CUTC: variants seen among roughly 807,000 people sequenced by gnomAD.
CUTC encodes copper homeostasis protein cutC homolog.
CUTC carries 27 observed loss-of-function variants against 36.2 expected under a neutral mutation model. The observed-to-expected ratio is 0.75, with a 90% CI of 0.55 to 1.03. CUTC has a LOEUF of 1.03. CUTC is among the 50% of genes least tolerant of loss of function. The probability of loss-of-function intolerance (pLI) is 0.00; values close to 1 mark genes in which losing one functional copy is unlikely to be tolerated. For synonymous variants in CUTC, 114 were observed against 118.3 expected (o/e 0.96, Z 0.24); for missense variants, 315 against 343.5 (o/e 0.92, Z 0.66).
chr10:99,748,272 G>A (rs936438109), intron 6 of CUTC, among the ~76,000 whole-genome samples: 5 of 152,200 alleles, frequency 3.3e-5, no homozygotes, highest in African/African-American at 1.2e-4. Flanking sequence ...TAGAGGCTTA[G>A]CACAGTGGTT....
At position 99,740,095 on chromosome 10, in the gene CUTC, T is replaced by A. The variant is rs2037330775; in HGVS notation, c.193+326T>A. 1.3e-5 allele frequency among the ~76,000 whole-genome samples: 2 copies of A among 152,206 alleles called. 1 individual carries two copies. Among genetic ancestry groups the A allele is most frequent in the Admixed American group, 1.3e-4 (2 of 15,284 alleles). ...CCTCCTGGTCTTTGTGCTATTGTTGTCATATATTTTACTCATACATATATC... is the reference window on the plus strand; with the variant it reads ...CCTCCTGGTCTTTGTGCTATTGTTGACATATATTTTACTCATACATATATC... On this transcript the variant is annotated intron_variant, in intron 3 of 8. Transcript: ENST00000370476.
chr10:99,750,378 A>C lies in CUTC; in HGVS notation c.583A>C (p.Arg195=). Residue 195 remains arginine (R), a synonymous_variant, in exon 7 of 9, where the codon AGG becomes CGG. Transcript: ENST00000370476. ...IKRLIEQAKG[R]IVVMPGGGIT... ...TTTTTTCTTTTTTCAGGCAAAAGGCAGGATTGTGGTAATGCCAGGTATTTA... is the reference window on the plus strand; with the variant it reads ...TTTTTTCTTTTTTCAGGCAAAAGGCCGGATTGTGGTAATGCCAGGTATTTA... 1 of 1,590,502 alleles carries C rather than the reference A, an allele frequency of 6.3e-7. No individual in the cohort carries two copies. The highest frequency in any genetic ancestry group is 8.5e-7 in the Non-Finnish European group (1 of 1,172,588).
chr10:99,739,835 AGTTTCGTT>A, intron 3 of CUTC, 66 bp downstream of exon 3: 1 of 1,344,360 alleles, frequency 7.4e-7, no homozygotes, highest in Non-Finnish European at 1.0e-6. Context: ...ACTGATAATC[AGTTTCGTT>A]GGGGTCCTTT....
chr10:99,752,250 C>T (rs929846514), intron 7 of CUTC, among the ~76,000 whole-genome samples: 6 of 151,954 alleles, frequency 3.9e-5, no homozygotes, highest in African/African-American at 1.5e-4. Context: ...GGCATGGTGG[C>T]GTGCTCCTGA....
At chr10:99,735,101 C>CAAAAAAAAAAAAAAAAAAAAAAAAA (rs56971127) in intron 1 of CUTC, among the ~76,000 whole-genome samples, 1 of 68,770 alleles carries the variant, frequency 1.5e-5, no homozygotes, top group Non-Finnish European at 2.5e-5. Flanking sequence ...GACTCTGTAT[C>CAAAAAAAAAAAAAAAAAAAAAAAAA]AAAAAAAAAA....
chr10:99,740,197 G>T (rs1259041216), intron 3 of CUTC, among the ~76,000 whole-genome samples: 3 of 151,960 alleles, frequency 2.0e-5, no homozygotes, highest in African/African-American at 7.2e-5. Flanking sequence ...TAAATAATAA[G>T]AAAAAAATCA....
intron 7 of CUTC, among the ~76,000 whole-genome samples, chr10:99,754,265 G>A (rs1254369139): frequency 6.6e-6 from 1 of 152,074 alleles, no homozygotes; most frequent in East Asian, 1.9e-4. Flanking sequence ...GACAAGCAGG[G>A]ATAGCATTGT....
Position 99,736,335 on chromosome 10 carries a change from G to A in CUTC, c.133+18G>A. 6.3e-7 allele frequency: 1 copy of A among 1,581,032 alleles called. No homozygotes were observed. Among genetic ancestry groups the A allele is most frequent in the Non-Finnish European group, 8.7e-7 (1 of 1,149,990 alleles). ...AAGAGGAGGTAAGAGAAATCAGATA[G>A]TGAATGACCGTTGGCTACCCTTTTA... On this transcript the variant is annotated intron_variant, in intron 2 of 8. Transcript: ENST00000370476.
Position 99,739,743 on chromosome 10 carries a change from C to T in CUTC, c.167C>T (p.Ser56Leu). 2 of 1,611,288 alleles carry T rather than the reference C, an allele frequency of 1.2e-6. No individual in the cohort carries two copies. Among genetic ancestry groups the T allele is most frequent in the South Asian group, 1.1e-5 (1 of 90,440 alleles). The part of the protein sequence containing the change: ...ADRIELCSGL[S>L]EGGTTPSMGV... Reference sequence around the variant, plus strand: ...CGGATTGAATTATGTTCTGGTTTATCAGAGGGGGGAACTACACCCAGCATG... The same window carrying T: ...CGGATTGAATTATGTTCTGGTTTATTAGAGGGGGGAACTACACCCAGCATG... The change falls in exon 3 of 9, where the codon TCA becomes TTA. Residue 56 changes from serine (S) to leucine (L), a missense_variant. By Grantham distance (145) the Ser-to-Leu change is moderately radical. Transcript: ENST00000370476.
At chr10:99,735,414 A>G (rs768044576) in intron 1 of CUTC, among the ~76,000 whole-genome samples, 15 of 152,164 alleles carry the variant, frequency 9.9e-5, no homozygotes, top group South Asian at 4.2e-4. Context: ...ATCTGGAAGC[A>G]TAAGAAGGAA....
chr10:99,741,830 C>A (rs547696554), intron 3 of CUTC, among the ~76,000 whole-genome samples: 27 of 152,144 alleles, frequency 1.8e-4, no homozygotes, highest in Non-Finnish European at 3.7e-4. Context: ...TCTCAGCCTC[C>A]CAAAGCACTG....
chr10:99,749,615 T>TCAA lies in CUTC; in HGVS notation c.574-754_574-753insCAA, dbSNP rs1278197142. On this transcript the variant is annotated intron_variant, in intron 6 of 8. Transcript: ENST00000370476. Reference sequence around the variant, plus strand: ...TGACTTTTTTCCATTCTGAAGTGATTTCAGCTTTTTAGATAGTCAATGTTT... The same window carrying TCAA: ...TGACTTTTTTCCATTCTGAAGTGATTCAATCAGCTTTTTAGATAGTCAATGTTT... Among the ~76,000 whole-genome samples the TCAA allele has an allele frequency of 5.3e-5, 8 of 152,134 alleles. No homozygotes were observed. The East Asian group carries it at 1.3e-3, about 26-fold the overall frequency.
chr10:99,738,628 A>T (rs2037317000), intron 2 of CUTC, among the ~76,000 whole-genome samples: 1 of 152,168 alleles, frequency 6.6e-6, no homozygotes, highest in Non-Finnish European at 1.5e-5. Flanking sequence ...ATATCGTTTA[A>T]CATAGTCCTC....
intron 3 of CUTC, among the ~76,000 whole-genome samples, chr10:99,740,308 T>C (rs2037332664): frequency 6.6e-6 from 1 of 152,122 alleles, no homozygotes; most frequent in African/African-American, 2.4e-5. Context: ...CTGAAGTACT[T>C]TCTTTAACTT....
At chr10:99,754,821 G>A (rs1438557283) in intron 8 of CUTC, among the ~76,000 whole-genome samples, 187 bp downstream of exon 8, 1 of 152,156 alleles carries the variant, frequency 6.6e-6, no homozygotes, top group Non-Finnish European at 1.5e-5. Flanking sequence ...TAAATAAACA[G>A]GCTCTTTGAA....
chr10:99,752,335 G>A (rs559096032), intron 7 of CUTC, among the ~76,000 whole-genome samples: 2 of 150,842 alleles, frequency 1.3e-5, no homozygotes, highest in Admixed American at 6.6e-5. Flanking sequence ...AGCTATGATC[G>A]CACCACTGCA....
intron 2 of CUTC, among the ~76,000 whole-genome samples, chr10:99,738,173 T>C (rs2133664651): frequency 6.6e-6 from 1 of 152,216 alleles, no homozygotes; most frequent in African/African-American, 2.4e-5. Flanking sequence ...GGACTCTTTT[T>C]TTGTTGTTTA....
Position 99,732,277 on chromosome 10 carries a change from C to T in CUTC, c.-72C>T, listed in dbSNP as rs1331280037. The T allele has an allele frequency of 7.1e-6, 11 of 1,545,954 alleles. No homozygotes were observed. The highest frequency in any genetic ancestry group is 1.9e-4 in the Middle Eastern group (1 of 5,376). On this transcript the variant is annotated 5_prime_UTR_variant, in exon 1 of 9. Coordinates refer to ENST00000370476, the MANE Select transcript of CUTC (RefSeq NM_015960.3). ...GGCGCGCGCAGCTGTTGACGCGCTT[C>T]TTAGCTGGTGCGCGCCGGAGCCCAA... is the stretch of plus-strand genomic sequence containing the variant.
rs1328340245 is a variant in CUTC, at chr10:99,747,812, C to T, written c.573+422C>T. 3.3e-5 allele frequency among the ~76,000 whole-genome samples: 5 copies of T among 152,312 alleles called. No homozygotes were observed. The South Asian group carries it at 6.2e-4, about 19-fold the overall frequency. ...CTGGGATTACAGGCATGAGGCACTG[C>T]GCCCAGCCAGCATTGCAGTTTTAAG... On this transcript the variant is annotated intron_variant, in intron 6 of 8. Coordinates refer to ENST00000370476, the MANE Select transcript of CUTC (RefSeq NM_015960.3).
Sources: allele counts gnomAD v4.1 joint callset (sites outside exome capture counted in the v4.1 genomes callset), GRCh38; gene constraint gnomAD v4.1.1; transcripts MANE v1.5; gene names NCBI Gene and HGNC (gene_info 2026-07-23, HGNC 2026-07-21).